Variants in BCAS3 observed in about 807,000 individuals in gnomAD.
BCAS3 encodes BCAS4/BCAS3 fusion.
BCAS3 carries 53 observed loss-of-function variants against 116.1 expected under a neutral mutation model. That is an observed-to-expected ratio of 0.46 (90% confidence interval 0.37 to 0.57). BCAS3 has a LOEUF of 0.57. Ranked by LOEUF, BCAS3 falls within the 20% of genes least tolerant of loss-of-function variation. The pLI, the probability that BCAS3 is intolerant of heterozygous loss-of-function variation, is 0.00. For missense variants in BCAS3, 917 were observed against 1,165.4 expected, an observed-to-expected ratio of 0.79 and a Z score of 3.10; for synonymous variants, 391 against 408.2, an observed-to-expected ratio of 0.96 and a Z score of 0.51.
At chr17:60,927,221 A>C (rs919144375) in intron 13 of BCAS3, among the ~76,000 whole-genome samples, 38 of 127,848 alleles carry the variant, frequency 3.0e-4, no homozygotes, top group African/African-American at 1.9e-3. Context: ...AAATTCTTTT[A>C]TTTATTTTTT....
Position 61,118,854 on chromosome 17 carries a change from AT to A in BCAS3, c.2425+34292del, listed in dbSNP as rs2075633283. On this transcript the variant is annotated intron_variant, in intron 22 of 23. Transcript: ENST00000407086. The surrounding 1 kb of genome is among the most constrained non-coding windows in gnomAD (Gnocchi z 5.0). ...TCTGGTGCTGATATTTGAAATAGAT[AT>A]TGTTTTTTGCCTAATCTGGTTTTTT... Among the ~76,000 whole-genome samples, 1 of 151,614 alleles carries A rather than the reference AT, an allele frequency of 6.6e-6. No homozygotes were observed. Among genetic ancestry groups the A allele is most frequent in the Admixed American group, 6.6e-5 (1 of 15,230 alleles).
intron 14 of BCAS3, among the ~76,000 whole-genome samples, chr17:60,948,413 C>T (rs570218364): frequency 1.6e-4 from 25 of 152,278 alleles, no homozygotes; most frequent in South Asian, 8.3e-4. Flanking sequence ...CATGAGCCAC[C>T]GCGCCTGGCC....
intron 22 of BCAS3, among the ~76,000 whole-genome samples, chr17:61,193,018 T>C (rs543439247): frequency 6.6e-6 from 1 of 152,250 alleles, no homozygotes; most frequent in African/African-American, 2.4e-5. Context: ...TCCCAGCACT[T>C]TGGGAGGTTG....
intron 22 of BCAS3, among the ~76,000 whole-genome samples, chr17:61,092,686 A>G (rs1479481725): frequency 6.6e-6 from 1 of 152,068 alleles, no homozygotes; most frequent in Non-Finnish European, 1.5e-5. Flanking sequence ...TAACTCACTG[A>G]TTTTTATTAG....
At chr17:61,287,210 T>G (rs1257540046) in intron 22 of BCAS3, among the ~76,000 whole-genome samples, 3 of 151,374 alleles carry the variant, frequency 2.0e-5, no homozygotes, top group African/African-American at 7.3e-5. Context: ...ATCGCACCAC[T>G]TCACTCCAGC....
At chr17:61,192,609 T>C (rs1001634883) in intron 22 of BCAS3, among the ~76,000 whole-genome samples, 6 of 152,198 alleles carry the variant, frequency 3.9e-5, no homozygotes, top group Admixed American at 3.9e-4. Flanking sequence ...ATAAAAAAGA[T>C]ATTATTTTTA....
chr17:60,801,351 A>C (rs1414550431), intron 6 of BCAS3, among the ~76,000 whole-genome samples: 1 of 151,648 alleles, frequency 6.6e-6, no homozygotes, highest in East Asian at 1.9e-4. Flanking sequence ...ATAGCCTGTG[A>C]CTTGCTGGAC....
chr17:61,357,854 C>T (rs910732352), intron 22 of BCAS3, among the ~76,000 whole-genome samples: 27 of 151,782 alleles, frequency 1.8e-4, no homozygotes, highest in African/African-American at 6.0e-4. Context: ...TTTGGGAGGC[C>T]GAGACGGGTG....
rs1432320153 is a variant in BCAS3 at position 61,276,248 on chromosome 17, G to C, written c.2426-92079G>C. On this transcript the variant is annotated intron_variant, in intron 22 of 23. Coordinates refer to ENST00000407086, the MANE Select transcript of BCAS3 (RefSeq NM_017679.5). The surrounding 1 kb of genome is among the most constrained non-coding windows in gnomAD (Gnocchi z 4.2). The stretch of plus-strand genomic sequence containing the variant: ...AGCACCTGTAATCCCAGCTACTTGG[G>C]AGAGTGAGGCAGGAGAATCGCTTGA... Among the ~76,000 whole-genome samples the C allele has an allele frequency of 6.6e-6, 1 of 152,088 alleles. No individual in the cohort carries two copies. The highest frequency in any genetic ancestry group is 1.5e-5 in the Non-Finnish European group (1 of 68,022).
At chr17:61,040,766 T>G in intron 18 of BCAS3, 26 bp from the exon 19 acceptor site, 7 of 1,572,894 alleles carry the variant, frequency 4.5e-6, no homozygotes, top group Non-Finnish European at 6.1e-6. Context: ...AGCTTAAATA[T>G]TAATATTCTT....
In BCAS3 at chr17:60,993,801, T is replaced by G. The variant is rs1424304481; in HGVS notation, c.1486+3566T>G. Among the ~76,000 whole-genome samples the G allele has an allele frequency of 6.6e-6, 1 of 152,198 alleles. No homozygotes were observed. Among genetic ancestry groups the G allele is most frequent in the African/African-American group, 2.4e-5 (1 of 41,460 alleles). ...TAGCCAAGTAAAGGAAACTGTTAAATAACAGTTGATATAGGGGTATTTCCT... is the reference window on the plus strand; with the variant it reads ...TAGCCAAGTAAAGGAAACTGTTAAAGAACAGTTGATATAGGGGTATTTCCT... On this transcript the variant is annotated intron_variant, in intron 15 of 23. Coordinates refer to ENST00000407086, the MANE Select transcript of BCAS3 (RefSeq NM_017679.5). The surrounding 1 kb of genome is among the most constrained non-coding windows in gnomAD (Gnocchi z 4.2).
rs187283095 is a variant in BCAS3 at position 61,316,794 on chromosome 17, C to G, written c.2426-51533C>G. Among the ~76,000 whole-genome samples, 1 of 152,184 alleles carries G rather than the reference C, an allele frequency of 6.6e-6. No homozygotes were observed. The highest frequency in any genetic ancestry group is 1.5e-5 in the Non-Finnish European group (1 of 68,028). On this transcript the variant is annotated intron_variant, in intron 22 of 23. Transcript: ENST00000407086. This position sits in a 1 kb window ranked among gnomAD's most constrained non-coding sequence, Gnocchi z 5.8. ...ACTGTATGTGCTGTGCTAGATTCCT[C>G]GGGGTCATGTACAATAATTCCTGCC...
At chr17:60,885,939 C>T (rs1451873103) in intron 9 of BCAS3, among the ~76,000 whole-genome samples, 2 of 142,188 alleles carry the variant, frequency 1.4e-5, no homozygotes, top group East Asian at 2.0e-4. Flanking sequence ...TTGCTCTTCT[C>T]GAGGAGTATC....
Position 61,018,290 on chromosome 17 carries a change from G to GTT in BCAS3, c.1637+2417_1637+2418dup, listed in dbSNP as rs10570881. Among the ~76,000 whole-genome samples the GTT allele has an allele frequency of 5.7e-3, 475 of 83,066 alleles. 43 individuals carry two copies. The highest frequency in any genetic ancestry group is 0.013 in the East Asian group (28 of 2,238). The allele number at this position is 83,066 out of a possible 152,430, so 54.5% of individuals were successfully genotyped here. On this transcript the variant is annotated intron_variant, in intron 16 of 23. Transcript: ENST00000407086. ...AATTCTTGTCTACCCAAATTCCCCA[G>GTT]TTTTTTTTTTTTTTTTTTTTTTTTT...
rs1029013783 is a variant in BCAS3, at chr17:60,806,004, G to A, written c.404-2000G>A. The stretch of plus-strand genomic sequence containing the variant: ...CCTCCCAAGTAGCTGGGATTACAGC[G>A]CCTGCCTCCATGCTCGCGCTAATTT... On this transcript the variant is annotated intron_variant, in intron 6 of 23. Transcript: ENST00000407086. Among the ~76,000 whole-genome samples, 10 of 151,352 alleles carry A rather than the reference G, an allele frequency of 6.6e-5. No individual in the cohort carries two copies. In the East Asian group the frequency reaches 7.9e-4, roughly 12 times the overall value.
chr17:60,876,611 G>A (rs1277478196), intron 9 of BCAS3, among the ~76,000 whole-genome samples: 4 of 152,048 alleles, frequency 2.6e-5, no homozygotes, highest in Non-Finnish European at 5.9e-5. Context: ...GACTAGCAAT[G>A]ATGATTAGTA....
At chr17:60,876,679 C>T (rs1334455342) in intron 9 of BCAS3, among the ~76,000 whole-genome samples, 2 of 152,088 alleles carry the variant, frequency 1.3e-5, no homozygotes, top group Non-Finnish European at 2.9e-5. Flanking sequence ...TATTTGATAA[C>T]AGACCTCATT....
intron 11 of BCAS3, among the ~76,000 whole-genome samples, chr17:60,907,717 G>A (rs1334016567): frequency 6.6e-6 from 1 of 152,136 alleles, no homozygotes; most frequent in African/African-American, 2.4e-5. Flanking sequence ...AGGACACTTA[G>A]TCTAATTTTT....
chr17:61,243,515 C>A lies in BCAS3; in HGVS notation c.2426-124812C>A, dbSNP rs1018408107. Among the ~76,000 whole-genome samples the A allele has an allele frequency of 1.3e-5, 2 of 152,100 alleles. No homozygotes were observed. Among genetic ancestry groups the A allele is most frequent in the African/African-American group, 4.8e-5 (2 of 41,406 alleles). On this transcript the variant is annotated intron_variant, in intron 22 of 23. Transcript: ENST00000407086. This position sits in a 1 kb window ranked among gnomAD's most constrained non-coding sequence, Gnocchi z 5.6. Reference sequence around the variant, plus strand: ...ATATATACACCCAGCAGTGGGACTGCTGGGTCATATGGTGGTTTTATTTTT... The same window carrying A: ...ATATATACACCCAGCAGTGGGACTGATGGGTCATATGGTGGTTTTATTTTT...
Sources: allele counts gnomAD v4.1 joint callset (sites outside exome capture counted in the v4.1 genomes callset), GRCh38; gene constraint gnomAD v4.1.1; non-coding constraint Gnocchi (gnomAD v3.1); transcripts MANE v1.5; gene names NCBI Gene and HGNC (gene_info 2026-07-23, HGNC 2026-07-21).